Variants in SYN2 observed in about 807,000 individuals in gnomAD.
SYN2 encodes the protein synapsin II.
SYN2 carries 19 observed loss-of-function variants against 50.9 expected under a neutral mutation model. The observed-to-expected ratio is 0.37, with a 90% CI of 0.26 to 0.55. SYN2 has a LOEUF of 0.55. Among genes scored for constraint, SYN2 ranks in the 20% least tolerant of loss-of-function variants. The pLI, the probability that SYN2 is intolerant of heterozygous loss-of-function variation, is 0.81. For synonymous variants in SYN2, 255 were observed against 224.9 expected (o/e 1.13, Z -1.20); for missense variants, 587 against 576.4 (o/e 1.02, Z -0.19).
Position 12,145,949 on chromosome 3 carries a change from A to G in SYN2, c.684+114A>G, listed in dbSNP as rs3732703. 8.3e-4 allele frequency: 1,198 copies of G among 1,443,240 alleles called. 14 individuals are homozygous for G. In the East Asian group the frequency reaches 0.021, roughly 26 times the overall value. 89.4% of individuals were successfully genotyped at this position (1,443,240 alleles called of 1,614,324 possible). A position where few individuals can be genotyped will look rare whatever the true frequency, so the allele number is the denominator to read the frequency against. On this transcript the variant is annotated intron_variant, in intron 4 of 12. Transcript: ENST00000621198. ...GCCCCAGCCCCAGGAGGGTCCCTAC[A>G]TCTTCCAGGCCCCTAGGAGGGTCCT...
rs565424842 is a variant in SYN2 at position 12,152,353 on chromosome 3, T to C, written c.774+1027T>C. 9.2e-5 allele frequency among the ~76,000 whole-genome samples: 14 copies of C among 152,268 alleles called. No homozygotes were observed. The South Asian group carries it at 2.9e-3, about 32-fold the overall frequency. On this transcript the variant is annotated intron_variant, in intron 5 of 12. Coordinates refer to ENST00000621198, the MANE Select transcript of SYN2 (RefSeq NM_133625.6). ...AATCCTAGAGGCCAATATCAGGACT[T>C]TTCCTTTCAGGGCAAGCCAGGAAGC...
chr3:12,160,973 G>A (rs1559447502), intron 5 of SYN2, among the ~76,000 whole-genome samples: 2 of 152,292 alleles, frequency 1.3e-5, no homozygotes, highest in East Asian at 3.9e-4. Flanking sequence ...CCCAAGCTGG[G>A]AAGAAATGGG....
chr3:12,078,767 G>A (rs1695525583), intron 1 of SYN2, among the ~76,000 whole-genome samples: 1 of 152,104 alleles, frequency 6.6e-6, no homozygotes, highest in African/African-American at 2.4e-5. Flanking sequence ...TTTTTGCTTA[G>A]GATTGTCTTG....
intron 1 of SYN2, among the ~76,000 whole-genome samples, chr3:12,043,126 G>A (rs996258218): frequency 1.3e-5 from 2 of 151,358 alleles, no homozygotes; most frequent in African/African-American, 4.9e-5. Flanking sequence ...GGACTCAGGC[G>A]ATCCTCCCAC....
intron 12 of SYN2, among the ~76,000 whole-genome samples, chr3:12,188,670 C>T (rs532755091): frequency 1.3e-5 from 2 of 152,174 alleles, no homozygotes; most frequent in African/African-American, 4.8e-5. Context: ...GCCAAGGTTG[C>T]GGGGCTCAGG....
intron 1 of SYN2, among the ~76,000 whole-genome samples, chr3:12,041,386 A>G (rs1038834965): frequency 6.6e-6 from 1 of 152,136 alleles, no homozygotes; most frequent in African/African-American, 2.4e-5. Context: ...GGATTTTTAC[A>G]TTGGAATAGA....
At chr3:12,188,066 T>A (rs1698381726) in intron 12 of SYN2, among the ~76,000 whole-genome samples, 1 of 152,212 alleles carries the variant, frequency 6.6e-6, no homozygotes, top group Non-Finnish European at 1.5e-5. Flanking sequence ...GACTCACAGT[T>A]CAGAGTATGC....
At chr3:12,123,447 T>G (rs1433476985) in intron 1 of SYN2, among the ~76,000 whole-genome samples, 3 of 152,166 alleles carry the variant, frequency 2.0e-5, no homozygotes, top group Non-Finnish European at 4.4e-5. Context: ...CAATCTAGAA[T>G]TTTCTACTTA....
chr3:12,103,956 A>G (rs969704171), intron 1 of SYN2, among the ~76,000 whole-genome samples: 3 of 152,208 alleles, frequency 2.0e-5, no homozygotes, highest in Admixed American at 6.5e-5. Flanking sequence ...CAATTATATG[A>G]TTTTTAGAAA....
At chr3:12,089,149 T>C (rs1344054602) in intron 1 of SYN2, among the ~76,000 whole-genome samples, 1 of 152,232 alleles carries the variant, frequency 6.6e-6, no homozygotes, top group Non-Finnish European at 1.5e-5. Context: ...TATTCGTCTG[T>C]TCTTATGTTG....
intron 1 of SYN2, among the ~76,000 whole-genome samples, chr3:12,006,719 G>T (rs972645166): frequency 6.6e-6 from 1 of 152,152 alleles, no homozygotes; most frequent in Admixed American, 6.5e-5. Context: ...CAGTGTGGGG[G>T]CCTTTTAAGA....
At chr3:12,136,957 T>C (rs1371901554) in intron 1 of SYN2, among the ~76,000 whole-genome samples, 1 of 152,082 alleles carries the variant, frequency 6.6e-6, no homozygotes, top group Non-Finnish European at 1.5e-5. Context: ...ATCAGAAAGT[T>C]CATATTGGTG....
At chr3:12,056,443 T>C (rs1314536714) in intron 1 of SYN2, among the ~76,000 whole-genome samples, 1 of 152,198 alleles carries the variant, frequency 6.6e-6, no homozygotes, top group South Asian at 2.1e-4. Flanking sequence ...TGATGTGGCT[T>C]TCTGTATCTT....
At chr3:12,019,756 C>T (rs1253377194) in intron 1 of SYN2, among the ~76,000 whole-genome samples, 1 of 152,200 alleles carries the variant, frequency 6.6e-6, no homozygotes, top group Non-Finnish European at 1.5e-5. Context: ...ACTTAATTGT[C>T]ACCTTGACCT....
rs564586763 is a variant in SYN2 at position 12,190,482 on chromosome 3, T to C, written c.1614-8T>C. On this transcript the variant is annotated splice_region_variant and splice_polypyrimidine_tract_variant and intron_variant, in intron 12 of 12. Coordinates refer to ENST00000621198, the MANE Select transcript of SYN2 (RefSeq NM_133625.6). ...CCTCTCACATTCTCTCTGGTTTTTA[T>C]CTTCAAGCAAGTCGCAGTCCCTGAC... 6.2e-7 allele frequency: 1 copy of C among 1,613,766 alleles called. No homozygotes were observed. The highest frequency in any genetic ancestry group is 2.2e-5 in the East Asian group (1 of 44,862).
rs111434411 is a variant in SYN2 at position 12,158,406 on chromosome 3, A to C, written c.775-3140A>C. 9.7e-3 allele frequency among the ~76,000 whole-genome samples: 1,472 copies of C among 152,276 alleles called. 12 individuals are homozygous for C. Among genetic ancestry groups the C allele is most frequent in the Non-Finnish European group, 0.013 (890 of 68,008 alleles). ...AGTCTAGTAGTTCAGAATAATCATC[A>C]GATAGCTCCGGTGACACCTTGTGTA... is the stretch of plus-strand genomic sequence containing the variant. On this transcript the variant is annotated intron_variant, in intron 5 of 12. Transcript: ENST00000621198.
At chr3:12,071,243 A>G (rs543146833) in intron 1 of SYN2, 22 of 556,738 alleles carry the variant, frequency 4.0e-5, no homozygotes, top group Middle Eastern at 3.4e-4. Flanking sequence ...CCAGAGCGCA[A>G]GTACTCTGTG....
intron 1 of SYN2, among the ~76,000 whole-genome samples, chr3:12,047,065 T>C (rs1234884932): frequency 6.6e-6 from 1 of 152,240 alleles, no homozygotes; most frequent in Admixed American, 6.5e-5. Flanking sequence ...CCTTGTTTTT[T>C]TCATGACTGA....
In SYN2 at chr3:12,191,216, A is replaced by G; in HGVS notation, c.*591A>G. ...GAGTCTGCTGATATTCGGGAGAACA[A>G]GGATCTGCAGTTTCCCCTTTTCTCC... On this transcript the variant is annotated 3_prime_UTR_variant, in exon 13 of 13. Coordinates refer to ENST00000621198, the MANE Select transcript of SYN2 (RefSeq NM_133625.6). 1.0e-6 allele frequency: 1 copy of G among 978,008 alleles called. No homozygotes were observed. 60.6% of individuals were successfully genotyped at this position (978,008 alleles called of 1,614,324 possible).
Sources: allele counts gnomAD v4.1 joint callset (sites outside exome capture counted in the v4.1 genomes callset), GRCh38; gene constraint gnomAD v4.1.1; transcripts MANE v1.5; gene names NCBI Gene and HGNC (gene_info 2026-07-23, HGNC 2026-07-21).